The following CYP26B1 variants were observed in gnomAD, a reference collection of about 807,000 sequenced individuals.
CYP26B1 encodes the protein cytochrome P450 family 26 subfamily B member 1, also known as cytochrome P450 26B1.
A neutral mutation model predicts 39.1 loss-of-function variants in CYP26B1; 8 were observed. The observed-to-expected ratio is 0.20, with a 90% CI of 0.12 to 0.37. CYP26B1 has a LOEUF of 0.37. Ranked by LOEUF, CYP26B1 falls within the 10% of genes least tolerant of loss-of-function variation. The pLI, the probability that CYP26B1 is intolerant of heterozygous loss-of-function variation, is 1.00. For synonymous variants in CYP26B1, 321 were observed against 314.3 expected (o/e 1.02, Z -0.23); for missense variants, 615 against 707.0 (o/e 0.87, Z 1.48).
rs1051159951 is a variant in CYP26B1, at chr2:72,134,830, C to T, written c.792G>A (p.Leu264=). The T allele has an allele frequency of 7.4e-6, 12 of 1,614,052 alleles. No individual in the cohort carries two copies. Among genetic ancestry groups the T allele is most frequent in the African/African-American group, 6.7e-5 (5 of 74,914 alleles). The change falls in exon 4 of 6, where the codon TTG becomes TTA. Residue 264 remains leucine, a synonymous_variant. Coordinates refer to ENST00000001146, the MANE Select transcript of CYP26B1 (RefSeq NM_019885.4). The part of the protein sequence containing the change: ...KLQCTQGKDY[L]DALDLLIESS... Reference sequence around the variant, plus strand: ...TCTCAATGAGGAGGTCCAGGGCGTCCAAGTAGTCCTTGCCCTGTGTGCACT... The same window carrying T: ...TCTCAATGAGGAGGTCCAGGGCGTCTAAGTAGTCCTTGCCCTGTGTGCACT...
At position 72,132,484 on chromosome 2, in the gene CYP26B1, G is replaced by A. The variant is rs755255380; in HGVS notation, c.1282C>T (p.Arg428Cys). 32 of 1,613,074 alleles carry A rather than the reference G, an allele frequency of 2.0e-5. No homozygotes were observed. The East Asian group carries it at 5.8e-4, about 29-fold the overall frequency. ...CCACCGAACGGGAGGTAATGGAAGC[G>A]GCCATCCTTGTCCTCGCTCCGCGCC... ...SQARSEDKDG[R>C]FHYLPFGGGV... is the part of the protein sequence containing the mutation. The change falls in exon 6 of 6, where the codon CGC (arginine) becomes TGC (cysteine). Residue 428 changes from arginine to cysteine, a missense_variant. By Grantham distance (180) the Arg-to-Cys change is radical. Coordinates refer to ENST00000001146, the MANE Select transcript of CYP26B1 (RefSeq NM_019885.4).
Position 72,147,193 on chromosome 2 carries a change from A to T in CYP26B1, c.204+438T>A, listed in dbSNP as rs1354830014. On this transcript the variant is annotated intron_variant, in intron 1 of 5. Coordinates refer to ENST00000001146, the MANE Select transcript of CYP26B1 (RefSeq NM_019885.4). The surrounding 1 kb of genome is among the most constrained non-coding windows in gnomAD (Gnocchi z 6.1). ...CTGCCACCAGCCCCCTCCTCTCCCG[A>T]CTCAATTTTCGGCTCCCAGCGACAC... 6.6e-6 allele frequency among the ~76,000 whole-genome samples: 1 copy of T among 151,462 alleles called. No homozygotes were observed. Among genetic ancestry groups the T allele is most frequent in the Non-Finnish European group, 1.5e-5 (1 of 67,874 alleles).
Position 72,134,832 on chromosome 2 carries a change from A to G in CYP26B1, c.790T>C (p.Leu264=), listed in dbSNP as rs1334007937. The G allele has an allele frequency of 6.2e-7, 1 of 1,614,172 alleles. No individual in the cohort carries two copies. Among genetic ancestry groups the G allele is most frequent in the South Asian group, 1.1e-5 (1 of 91,086 alleles). Residue 264 remains leucine (L), a synonymous_variant, in exon 4 of 6, where the codon TTG becomes CTG. Coordinates refer to ENST00000001146, the MANE Select transcript of CYP26B1 (RefSeq NM_019885.4). ...TCAATGAGGAGGTCCAGGGCGTCCAAGTAGTCCTTGCCCTGTGTGCACTGC... is the reference window on the plus strand; with the variant it reads ...TCAATGAGGAGGTCCAGGGCGTCCAGGTAGTCCTTGCCCTGTGTGCACTGC... ...KLQCTQGKDY[L]DALDLLIESS...
In CYP26B1 at chr2:72,133,134, C is replaced by A; in HGVS notation, c.1035G>T (p.Leu345=). The change falls in exon 5 of 6, where the codon CTG becomes CTT. Residue 345 remains leucine, a synonymous_variant. Transcript: ENST00000001146. ...GGCPCEGTLR[L]DTLSGLRYLD... is the part of the protein sequence containing the mutation. ...GGTAGCGCAGCCCACTGAGCGTGTC[C>A]AGGCGCAGTGTGCCCTCGCAGGGGC... 1.2e-6 allele frequency: 2 copies of A among 1,612,948 alleles called. No homozygotes were observed. Among genetic ancestry groups the A allele is most frequent in the Non-Finnish European group, 1.7e-6 (2 of 1,179,890 alleles).
intron 2 of CYP26B1, among the ~76,000 whole-genome samples, chr2:72,142,796 G>A (rs1210726695): frequency 6.6e-6 from 1 of 152,174 alleles, no homozygotes; most frequent in Admixed American, 6.5e-5. Context: ...GCTAGGAGTG[G>A]GGCAGATGGA....
chr2:72,133,024 T>A lies in CYP26B1; in HGVS notation c.1145A>T (p.Asp382Val). The change falls in exon 5 of 6, where the codon GAT becomes GTT. Residue 382 changes from aspartate (D) to valine (V), a missense_variant and splice_region_variant. Transcript: ENST00000001146. ...CCGGTGCCACGGGCCCAGCCTCACATCAAGCTCGAAGGTCTGCAGCACAGT... is the reference window on the plus strand; with the variant it reads ...CCGGTGCCACGGGCCCAGCCTCACAACAAGCTCGAAGGTCTGCAGCACAGT... ...YRTVLQTFEL[D>V]GFQIPKGWSV... 6.2e-7 allele frequency: 1 copy of A among 1,613,158 alleles called. No individual in the cohort carries two copies. Among genetic ancestry groups the A allele is most frequent in the Non-Finnish European group, 8.5e-7 (1 of 1,179,962 alleles).
chr2:72,139,534 C>A (rs1310191655), intron 2 of CYP26B1, among the ~76,000 whole-genome samples: 2 of 152,194 alleles, frequency 1.3e-5, no homozygotes, highest in Non-Finnish European at 2.9e-5. Context: ...AAAGCGCCTG[C>A]CTGCGATTTG....
rs1489140636 is a variant in CYP26B1 at position 72,132,263 on chromosome 2, C to T, written c.1503G>A (p.Leu501=). The change falls in exon 6 of 6, where the codon CTG becomes CTA. Residue 501 remains leucine (L), a synonymous_variant. Coordinates refer to ENST00000001146, the MANE Select transcript of CYP26B1 (RefSeq NM_019885.4). ...CGCTCAGCATGGCCTCCGTCTCCGG[C>T]AGGATCTCGTTCTGGTTGGAGTCCA... The part of the protein sequence containing the change: ...FGLDSNQNEI[L]PETEAMLSAT... 6.2e-7 allele frequency: 1 copy of T among 1,604,454 alleles called. No individual in the cohort carries two copies. Among genetic ancestry groups the T allele is most frequent in the Admixed American group, 1.7e-5 (1 of 58,380 alleles).
At position 72,131,411 on chromosome 2, in the gene CYP26B1, G is replaced by A. The variant is rs1391688991; in HGVS notation, c.*816C>T. 6.6e-6 allele frequency: 1 copy of A among 152,262 alleles called. No homozygotes were observed. Among genetic ancestry groups the A allele is most frequent in the African/African-American group, 2.4e-5 (1 of 41,458 alleles). 9.4% of individuals were successfully genotyped at this position (152,262 alleles called of 1,614,324 possible). ...ACAGGCTAGGGCATGAAGGGGAGGA[G>A]ATGTTCACTCCAGACCCCAGCATCC... On this transcript the variant is annotated 3_prime_UTR_variant, in exon 6 of 6. Coordinates refer to ENST00000001146, the MANE Select transcript of CYP26B1 (RefSeq NM_019885.4).
chr2:72,146,477 C>A (rs1233143430), intron 1 of CYP26B1, among the ~76,000 whole-genome samples: 1 of 152,222 alleles, frequency 6.6e-6, no homozygotes, highest in African/African-American at 2.4e-5. Flanking sequence ...AGAGGAACTT[C>A]GAACCCCCTC....
intron 1 of CYP26B1, 59 bp from the exon 2 acceptor site, chr2:72,144,272 G>T: frequency 2.6e-6 from 4 of 1,552,774 alleles, no homozygotes; most frequent in Non-Finnish European, 3.5e-6. Flanking sequence ...GCCCGCGAGG[G>T]AGGGGCGGCG....
At chr2:72,142,246 G>C (rs975798021) in intron 2 of CYP26B1, among the ~76,000 whole-genome samples, 5 of 152,176 alleles carry the variant, frequency 3.3e-5, no homozygotes, top group African/African-American at 4.8e-5. Context: ...GTCAGGCCCA[G>C]GGTGGGTGGA....
At chr2:72,145,778 TCCGC>T (rs2104102848) in intron 1 of CYP26B1, among the ~76,000 whole-genome samples, 1 of 152,296 alleles carries the variant, frequency 6.6e-6, no homozygotes, top group African/African-American at 2.4e-5. Flanking sequence ...GAGTTATTTG[TCCGC>T]CGTTTCCACG....
In CYP26B1 at chr2:72,135,350, C is replaced by T; in HGVS notation, c.499G>A (p.Asp167Asn). ...TGGCTGCTCCAGGCGCGCAGTGTGT[C>T]CTGGATCACCAGCTGGATCTTGGGC... The part of the protein sequence containing the change: ...YLPKIQLVIQ[D>N]TLRAWSSHPE... The change falls in exon 3 of 6, where the codon GAC (aspartate) becomes AAC (asparagine). Residue 167 changes from aspartate to asparagine, a missense_variant. Coordinates refer to ENST00000001146, the MANE Select transcript of CYP26B1 (RefSeq NM_019885.4). The T allele has an allele frequency of 2.5e-6, 4 of 1,613,916 alleles. No individual in the cohort carries two copies. The highest frequency in any genetic ancestry group is 3.4e-6 in the Non-Finnish European group (4 of 1,180,024).
In CYP26B1 at chr2:72,130,371, G is replaced by A. The variant is rs1364452865; in HGVS notation, c.*1856C>T. ...TATTCCACACTGTTTTTTAGTAGTG[G>A]AAAAGTAGGAAATAAATGAAACATC... On this transcript the variant is annotated 3_prime_UTR_variant, in exon 6 of 6. Coordinates refer to ENST00000001146, the MANE Select transcript of CYP26B1 (RefSeq NM_019885.4). 6.6e-6 allele frequency: 1 copy of A among 152,144 alleles called. No homozygotes were observed. Among genetic ancestry groups the A allele is most frequent in the African/African-American group, 2.4e-5 (1 of 41,420 alleles). 9.4% of individuals were successfully genotyped at this position (152,144 alleles called of 1,614,324 possible). A position where few individuals can be genotyped will look rare whatever the true frequency, so the allele number is the denominator to read the frequency against.
chr2:72,131,057 C>G lies in CYP26B1; in HGVS notation c.*1170G>C, dbSNP rs1288159040. 1 of 152,650 alleles carries G rather than the reference C, an allele frequency of 6.6e-6. No individual in the cohort carries two copies. The highest frequency in any genetic ancestry group is 1.5e-5 in the Non-Finnish European group (1 of 68,092). 9.5% of individuals were successfully genotyped at this position (152,650 alleles called of 1,614,324 possible). On this transcript the variant is annotated 3_prime_UTR_variant, in exon 6 of 6. Transcript: ENST00000001146. ...GAAGACGGAGGCCCTTGCTCCCCGT[C>G]AGAAGAACCCGTATCCTTCCCCATA...
Position 72,133,017 on chromosome 2 carries a change from C to T in CYP26B1, c.1146+6G>A. 6.2e-7 allele frequency: 1 copy of T among 1,613,198 alleles called. No individual in the cohort carries two copies. The highest frequency in any genetic ancestry group is 8.5e-7 in the Non-Finnish European group (1 of 1,179,970). On this transcript the variant is annotated splice_donor_region_variant and intron_variant, in intron 5 of 5. Coordinates refer to ENST00000001146, the MANE Select transcript of CYP26B1 (RefSeq NM_019885.4). Reference sequence around the variant, plus strand: ...ATCGCCCCCGGTGCCACGGGCCCAGCCTCACATCAAGCTCGAAGGTCTGCA... The same window carrying T: ...ATCGCCCCCGGTGCCACGGGCCCAGTCTCACATCAAGCTCGAAGGTCTGCA...
chr2:72,133,047 A>G lies in CYP26B1; in HGVS notation c.1122T>C (p.Thr374=), dbSNP rs1225054848. The G allele has an allele frequency of 5.6e-6, 9 of 1,613,244 alleles. No individual in the cohort carries two copies. In the African/African-American group the frequency reaches 8.0e-5, roughly 14 times the overall value. ...LFTPISGGYR[T]VLQTFELDGF... is the part of the protein sequence containing the mutation. ...CATCAAGCTCGAAGGTCTGCAGCACAGTGCGGTAGCCGCCGGAAATGGGCG... is the reference window on the plus strand; with the variant it reads ...CATCAAGCTCGAAGGTCTGCAGCACGGTGCGGTAGCCGCCGGAAATGGGCG... Residue 374 remains threonine (T), a synonymous_variant, in exon 5 of 6, where the codon ACT becomes ACC. Transcript: ENST00000001146.
chr2:72,133,426 G>A (rs1572922261), intron 4 of CYP26B1, 119 bp from the exon 5 acceptor site: 2 of 1,317,212 alleles, frequency 1.5e-6, no homozygotes, highest in East Asian at 4.9e-5. Context: ...CCTGGTTCCT[G>A]CAGTGAATTC....
Sources: gnomAD v4.1 joint callset for allele counts (sites outside exome capture counted in the v4.1 genomes callset) on GRCh38, gnomAD v4.1.1 for gene constraint, Gnocchi (gnomAD v3.1) non-coding constraint, MANE v1.5 for transcripts, NCBI Gene and HGNC (gene_info 2026-07-23, HGNC 2026-07-21) for gene names.